PFKFB2: variants seen among roughly 807,000 people sequenced by gnomAD.
The protein encoded by PFKFB2 is 6-phosphofructo-2-kinase/fructose-2,6-bisphosphatase 2.
A neutral mutation model predicts 68.0 loss-of-function variants in PFKFB2; 53 were observed. The observed-to-expected ratio is 0.78, with a 90% CI of 0.63 to 0.98. The LOEUF (loss-of-function observed/expected upper bound fraction) is 0.98, where lower values mean the gene tolerates loss of function less well. PFKFB2 is among the 50% of genes least tolerant of loss of function. The probability of loss-of-function intolerance (pLI) is 0.00; values close to 1 mark genes in which losing one functional copy is unlikely to be tolerated. For synonymous variants in PFKFB2, 222 were observed against 227.6 expected, an observed-to-expected ratio of 0.98 and a Z score of 0.22; for missense variants, 451 against 642.0, an observed-to-expected ratio of 0.70 and a Z score of 3.22.
Position 207,065,042 on chromosome 1 carries a change from A to T in PFKFB2, c.514A>T (p.Lys172Ter). The part of the protein sequence containing the change: ...DVIAANILEV[K>*]VSSPDYPERN... Reference sequence around the variant, plus strand: ...CTGGTTCCTATGATTTCAGGAGGTTAAGGTATCAAGCCCTGACTATCCTGA... The same window carrying T: ...CTGGTTCCTATGATTTCAGGAGGTTTAGGTATCAAGCCCTGACTATCCTGA... The change falls in exon 8 of 15, where the codon AAG becomes TAG. Residue 172 changes from lysine to a stop codon, truncating the protein, a stop_gained. Transcript: ENST00000367080. LOFTEE classifies it high-confidence loss of function. 6.2e-7 allele frequency: 1 copy of T among 1,613,820 alleles called. No individual in the cohort carries two copies. The highest frequency in any genetic ancestry group is 8.5e-7 in the Non-Finnish European group (1 of 1,179,826).
intron 8 of PFKFB2, among the ~76,000 whole-genome samples, chr1:207,065,665 A>G (rs1683265586): frequency 6.6e-6 from 1 of 151,884 alleles, no homozygotes. Flanking sequence ...AGTGTTTTTT[A>G]TCATCAATTT....
chr1:207,064,752 A>C, intron 7 of PFKFB2, among the ~76,000 whole-genome samples: 1 of 152,168 alleles, frequency 6.6e-6, no homozygotes, highest in East Asian at 1.9e-4. Flanking sequence ...TCAGGAAAGT[A>C]CATAAAGGGA....
upstream of PFKFB2, chr1:207,049,813 G>A: frequency 8.1e-7 from 1 of 1,241,532 alleles, no homozygotes; most frequent in South Asian, 1.5e-5. Context: ...ACAAACTGAA[G>A]GAGTTAAAGC....
At chr1:207,038,834 G>A (rs1022937708) in intron 1 of PFKFB2, among the ~76,000 whole-genome samples, 1 of 152,154 alleles carries the variant, frequency 6.6e-6, no homozygotes, top group African/African-American at 2.4e-5. Flanking sequence ...TCTTTGTAGT[G>A]TTGTTTTTTC....
In PFKFB2 at chr1:207,072,364, C is replaced by T. The variant is rs757581201; in HGVS notation, c.1511C>T (p.Ala504Val). 4 of 1,612,670 alleles carry T rather than the reference C, an allele frequency of 2.5e-6. No individual in the cohort carries two copies. The highest frequency in any genetic ancestry group is 3.4e-6 in the Non-Finnish European group (4 of 1,179,332). The change falls in exon 15 of 15, where the codon GCC (alanine) becomes GTC (valine). Residue 504 changes from alanine to valine, a missense_variant. Physicochemically the swap from Ala to Val is moderately conservative, Grantham distance 64 (BLOSUM62 0). Coordinates refer to ENST00000367080, the MANE Select transcript of PFKFB2 (RefSeq NM_006212.2). ...PLRAQDMQEG[A>V]D ...CGTGCCCAGGACATGCAAGAAGGGGCCGACTAGCCGAAGACCCAAGTCAGC... is the reference window on the plus strand; with the variant it reads ...CGTGCCCAGGACATGCAAGAAGGGGTCGACTAGCCGAAGACCCAAGTCAGC...
At chr1:207,052,081 G>T (rs550705308), upstream of PFKFB2, 112 of 913,826 alleles carry the variant, frequency 1.2e-4, 1 homozygote, top group Non-Finnish European at 1.8e-4. Context: ...TATCCAGCCG[G>T]GATTCAGACA....
chr1:207,079,385 A>C (rs547576340), downstream of PFKFB2: 8 of 275,726 alleles, frequency 2.9e-5, no homozygotes, highest in Non-Finnish European at 4.9e-5. Context: ...GTGCAAATGC[A>C]CTTCTTCAGA....
chr1:207,070,694 G>A lies in PFKFB2; in HGVS notation c.1222+285G>A, dbSNP rs1394946454. ...ACACTCCTGGCAGCATCAGGACAGTGGTTGAATATTCCCAGCCTGCCACGC... is the reference window on the plus strand; with the variant it reads ...ACACTCCTGGCAGCATCAGGACAGTAGTTGAATATTCCCAGCCTGCCACGC... On this transcript the variant is annotated intron_variant, in intron 12 of 14. Coordinates refer to ENST00000367080, the MANE Select transcript of PFKFB2 (RefSeq NM_006212.2). This position sits in a 1 kb window ranked among gnomAD's most constrained non-coding sequence, Gnocchi z 4.2. 5 of 363,100 alleles carry A rather than the reference G, an allele frequency of 1.4e-5. No individual in the cohort carries two copies. Among genetic ancestry groups the A allele is most frequent in the Non-Finnish European group, 2.6e-5 (5 of 195,310 alleles). The allele number at this position is 363,100 out of a possible 1,614,324, so 22.5% of individuals were successfully genotyped here.
At chr1:207,077,857 G>T (rs74148964), downstream of PFKFB2, 12,451 of 955,434 alleles carry the variant, frequency 0.013, 1,073 homozygotes, top group African/African-American at 0.19. Context: ...ATTTTCAGTT[G>T]TGTTTCCCAT....
intron 9 of PFKFB2, 105 bp downstream of exon 9, chr1:207,067,811 C>T: frequency 1.0e-6 from 1 of 988,688 alleles, no homozygotes; most frequent in Non-Finnish European, 1.5e-6. Context: ...TGGACGTAGG[C>T]TGTGGTTTCA....
intron 7 of PFKFB2, 96 bp from the exon 8 acceptor site, chr1:207,064,940 T>C (rs2102355203): frequency 7.1e-7 from 1 of 1,404,218 alleles, no homozygotes; most frequent in East Asian, 2.3e-5. Context: ...GCGACATTTA[T>C]GGACTTCTTT....
rs1683596786 is a variant in PFKFB2 at position 207,075,510 on chromosome 1, A to G, written c.*3139A>G. ...ACTTGAATGCATGTTGGTAATCTGT[A>G]TACATTACTATGACTGTGTCTATCA... On this transcript the variant is annotated 3_prime_UTR_variant, in exon 15 of 15. Coordinates refer to ENST00000367080, the MANE Select transcript of PFKFB2 (RefSeq NM_006212.2). 1.0e-6 allele frequency: 1 copy of G among 985,232 alleles called. No individual in the cohort carries two copies. Among genetic ancestry groups the G allele is most frequent in the African/African-American group, 1.7e-5 (1 of 57,248 alleles). The allele number at this position is 985,232 out of a possible 1,614,324, so 61.0% of individuals were successfully genotyped here.
At position 207,061,130 on chromosome 1, in the gene PFKFB2, TTTATATA is replaced by T. The variant is rs1162944953; in HGVS notation, c.86-821_86-815del. Among the ~76,000 whole-genome samples, 5 of 67,618 alleles carry T rather than the reference TTTATATA, an allele frequency of 7.4e-5. No homozygotes were observed. In the South Asian group the frequency reaches 2.0e-3, roughly 27 times the overall value. The allele number at this position is 67,618 out of a possible 152,430, so 44.4% of individuals were successfully genotyped here. ...ATATCTATATATCTTTATATATATCTTTATATATATCTTTATATATATTTATATATAT... is the reference window on the plus strand; with the variant it reads ...ATATCTATATATCTTTATATATATCTTATCTTTATATATATTTATATATAT... On this transcript the variant is annotated intron_variant, in intron 2 of 14. Transcript: ENST00000367080.
chr1:207,072,134 A>G (rs1572736373), intron 14 of PFKFB2, 70 bp from the exon 15 acceptor site: 2 of 1,567,038 alleles, frequency 1.3e-6, no homozygotes, highest in East Asian at 2.3e-5. Context: ...TTACAAGCGC[A>G]TTATTAACCT....
upstream of PFKFB2, chr1:207,048,889 A>C: frequency 1.2e-6 from 1 of 810,522 alleles, no homozygotes; most frequent in South Asian, 1.7e-5. Flanking sequence ...TCAGTGTCTT[A>C]GTGGTTTTAA....
Position 207,072,924 on chromosome 1 carries a change from G to C in PFKFB2, c.*553G>C. 4 of 985,766 alleles carry C rather than the reference G, an allele frequency of 4.1e-6. No individual in the cohort carries two copies. The highest frequency in any genetic ancestry group is 4.8e-6 in the Non-Finnish European group (4 of 830,198). The allele number at this position is 985,766 out of a possible 1,614,324, so 61.1% of individuals were successfully genotyped here. A position where few individuals can be genotyped will look rare whatever the true frequency, so the allele number is the denominator to read the frequency against. On this transcript the variant is annotated 3_prime_UTR_variant, in exon 15 of 15. Transcript: ENST00000367080. ...TGGCATTGTGGTGTCTGTCTAGGAA[G>C]GAAGGGGTGATTGACAAGAGACAAG...
At chr1:207,041,313 C>T (rs1215529853) in intron 1 of PFKFB2, among the ~76,000 whole-genome samples, 1 of 151,710 alleles carries the variant, frequency 6.6e-6, no homozygotes, top group Non-Finnish European at 1.5e-5. Flanking sequence ...ATACATGTGC[C>T]ATGGTGGTTT....
At chr1:207,043,216 C>T (rs905236256) in intron 2 of PFKFB2, among the ~76,000 whole-genome samples, 2 of 152,110 alleles carry the variant, frequency 1.3e-5, no homozygotes, top group Non-Finnish European at 2.9e-5. Context: ...ATCACACAAC[C>T]CAACCGATTC....
At chr1:207,064,932 G>A (rs1683239068) in intron 7 of PFKFB2, 104 bp from the exon 8 acceptor site, 6 of 1,332,104 alleles carry the variant, frequency 4.5e-6, no homozygotes, top group South Asian at 1.4e-5. Flanking sequence ...AGTGAAAGGC[G>A]ACATTTATGG....
Sources: gnomAD v4.1 joint callset for allele counts (sites outside exome capture counted in the v4.1 genomes callset) on GRCh38, gnomAD v4.1.1 for gene constraint, Gnocchi (gnomAD v3.1) non-coding constraint, MANE v1.5 for transcripts, NCBI Gene and HGNC (gene_info 2026-07-23, HGNC 2026-07-21) for gene names.